The following LCT variants were observed in gnomAD, a reference collection of about 807,000 sequenced individuals.
The protein encoded by LCT is lactase.
A neutral mutation model predicts 173.0 loss-of-function variants in LCT; 90 were observed. That is an observed-to-expected ratio of 0.52 (90% CI 0.44 to 0.62). The LOEUF is 0.62. LCT is among the 20% of genes least tolerant of loss of function. LCT has a pLI of 0.00. For synonymous variants in LCT, 853 were observed against 957.6 expected, an observed-to-expected ratio of 0.89 and a Z score of 2.02; for missense variants, 1,864 against 2,431.4, an observed-to-expected ratio of 0.77 and a Z score of 4.91.
At position 135,806,953 on chromosome 2, in the gene LCT, TG is replaced by T. The variant is rs548265715; in HGVS notation, c.4173+174del. Among the ~76,000 whole-genome samples, 390 of 152,268 alleles carry T rather than the reference TG, an allele frequency of 2.6e-3. 1 individual carries two copies. The highest frequency in any genetic ancestry group is 8.6e-3 in the African/African-American group (357 of 41,566). ...CTCACCATGCTGGTCTGGGTAAATTTGGGGGTGTGAAGAAGCCAGGCTGTCT... is the reference window on the plus strand; with the variant it reads ...CTCACCATGCTGGTCTGGGTAAATTTGGGGTGTGAAGAAGCCAGGCTGTCT... On this transcript the variant is annotated intron_variant, in intron 9 of 16. Transcript: ENST00000264162.
chr2:135,798,207 G>A (rs766813993), intron 12 of LCT, 69 bp from the exon 13 acceptor site: 42 of 843,890 alleles, frequency 5.0e-5, no homozygotes, highest in East Asian at 9.6e-5. Flanking sequence ...CATCGTCCCC[G>A]CTCAGAAGTG....
intron 5 of LCT, among the ~76,000 whole-genome samples, chr2:135,821,328 C>T (rs1367868641): frequency 6.6e-6 from 1 of 152,200 alleles, no homozygotes; most frequent in African/African-American, 2.4e-5. Flanking sequence ...CAACAGCTGG[C>T]TTTCCTGTCT....
intron 5 of LCT, among the ~76,000 whole-genome samples, chr2:135,818,641 C>A (rs2077801732): frequency 6.6e-6 from 1 of 152,150 alleles, no homozygotes; most frequent in Admixed American, 6.6e-5. Flanking sequence ...AGTTCGAGAC[C>A]AGACTGACCA....
At chr2:135,830,213 A>G (rs2077924362) in intron 2 of LCT, among the ~76,000 whole-genome samples, 1 of 152,142 alleles carries the variant, frequency 6.6e-6, no homozygotes, top group African/African-American at 2.4e-5. Flanking sequence ...GGGCCTGTGG[A>G]GTACGCACTG....
intron 16 of LCT, 48 bp from the exon 17 acceptor site, chr2:135,788,592 G>A: frequency 8.3e-7 from 1 of 1,210,744 alleles, no homozygotes; most frequent in South Asian, 1.2e-5. Context: ...GCTGATTTGA[G>A]TTCTCAGATC....
chr2:135,809,623 C>T lies in LCT; in HGVS notation c.2724G>A (p.Leu908=), dbSNP rs777896378. The change falls in exon 8 of 17, where the codon CTG becomes CTA. Residue 908 remains leucine, a synonymous_variant. Coordinates refer to ENST00000264162, the MANE Select transcript of LCT (RefSeq NM_002299.4). The surrounding 1 kb of genome is among the most constrained non-coding windows in gnomAD (Gnocchi z 5.5). ...GATAAGCGGAAGAGGACACGCCCCA[C>T]AGAAAGTCATCCCGAAACGTCCCGT... ...FYHGTFRDDF[L]WGVSSSAYQI... 4 of 1,614,240 alleles carry T rather than the reference C, an allele frequency of 2.5e-6. No homozygotes were observed. The highest frequency in any genetic ancestry group is 2.2e-5 in the South Asian group (2 of 91,090).
rs1211446152 is a variant in LCT at position 135,837,136 on chromosome 2, G to A, written c.34C>T (p.Leu12=). 4 of 1,613,658 alleles carry A rather than the reference G, an allele frequency of 2.5e-6. No individual in the cohort carries two copies. The highest frequency in any genetic ancestry group is 2.5e-6 in the Non-Finnish European group (3 of 1,179,984). ...ELSWHVVFIA[L]LSFSCWGSDW... is the part of the protein sequence containing the mutation. The stretch of plus-strand genomic sequence containing the variant: ...GACCCCCAGCATGAAAAACTTAGCA[G>A]GGCAATAAAGACTACATGCCAAGAC... Residue 12 remains leucine (L), a synonymous_variant, in exon 1 of 17, where the codon CTG becomes TTG. Transcript: ENST00000264162.
At chr2:135,794,279 G>T in intron 14 of LCT, 3 of 202,078 alleles carry the variant, frequency 1.5e-5, no homozygotes, top group South Asian at 9.8e-5. Context: ...ATATTAAAGC[G>T]AATTTTGATA....
Position 135,818,066 on chromosome 2 carries a change from A to G in LCT, c.987-5T>C. ...CCAGTCAGAGAACAAGACATGCTGC[A>G]GGATTGAAGGGACAAAAAGGGACAT... On this transcript the variant is annotated splice_polypyrimidine_tract_variant and splice_region_variant and intron_variant, in intron 5 of 16. Transcript: ENST00000264162. 1 of 1,613,224 alleles carries G rather than the reference A, an allele frequency of 6.2e-7. No homozygotes were observed. Among genetic ancestry groups the G allele is most frequent in the South Asian group, 1.1e-5 (1 of 91,082 alleles).
At chr2:135,788,689 A>G in intron 16 of LCT, 145 bp from the exon 17 acceptor site, 1 of 700,902 alleles carries the variant, frequency 1.4e-6, no homozygotes, top group African/African-American at 1.7e-5. Context: ...ATCCCCTTTC[A>G]CTGTGTGTCA....
rs142757602 is a variant in LCT at position 135,789,629 on chromosome 2, G to A, written c.5505C>T (p.Val1835=). ...KASAKFYASV[V]RCNGFPDPAT... ...CGGGGTCAGGGAAGCCATTGCATCGGACCACAGAGGCGTAGAACTTCGCTG... is the reference window on the plus strand; with the variant it reads ...CGGGGTCAGGGAAGCCATTGCATCGAACCACAGAGGCGTAGAACTTCGCTG... Residue 1835 remains valine, a synonymous_variant, in exon 16 of 17, where the codon GTC becomes GTT. Transcript: ENST00000264162. 39 of 1,614,132 alleles carry A rather than the reference G, an allele frequency of 2.4e-5. No homozygotes were observed. The Admixed American group carries it at 4.5e-4, about 19-fold the overall frequency.
At chr2:135,821,633 A>G (rs1313969728) in intron 5 of LCT, 2 of 278,782 alleles carry the variant, frequency 7.2e-6, no homozygotes, top group Non-Finnish European at 1.4e-5. Context: ...GGCATGCACC[A>G]CTATGCCTGG....
chr2:135,822,151 C>A, intron 4 of LCT, 53 bp from the exon 5 acceptor site: 1 of 1,063,140 alleles, frequency 9.4e-7, no homozygotes, highest in South Asian at 1.2e-5. Context: ...TAAGAACATG[C>A]AAGTCTGAAA....
chr2:135,830,461 C>T (rs73957037), intron 2 of LCT, among the ~76,000 whole-genome samples: 2 of 151,890 alleles, frequency 1.3e-5, no homozygotes, highest in South Asian at 2.1e-4. Context: ...CCTGTCTTAT[C>T]CCTCCCACTG....
intron 7 of LCT, among the ~76,000 whole-genome samples, chr2:135,810,753 G>A (rs1030002834): frequency 6.0e-5 from 9 of 149,522 alleles, no homozygotes; most frequent in Non-Finnish European, 1.3e-4. Flanking sequence ...GTGGCCAGGC[G>A]TGGTGGCTCA....
At chr2:135,832,248 T>C (rs990483961) in intron 2 of LCT, among the ~76,000 whole-genome samples, 5 of 149,800 alleles carry the variant, frequency 3.3e-5, no homozygotes, top group African/African-American at 1.2e-4. Flanking sequence ...ATATAAATTA[T>C]AGTTAAAAAG....
Position 135,812,750 on chromosome 2 carries a change from A to T in LCT, c.1914T>A (p.Asp638Glu). 1 of 1,614,182 alleles carries T rather than the reference A, an allele frequency of 6.2e-7. No homozygotes were observed. Among genetic ancestry groups the T allele is most frequent in the Non-Finnish European group, 8.5e-7 (1 of 1,180,028 alleles). ...LGWFAHPVFVDGDYPATLRTQ... is the reference protein window; with the variant it reads ...LGWFAHPVFVEGDYPATLRTQ... ...TCCTCAGGGTGGCTGGGTAGTCTCC[A>T]TCCACAAAGACGGGGTGTGCAAACC... Residue 638 changes from aspartate (D) to glutamate (E), a missense_variant, in exon 7 of 17, where the codon GAT becomes GAA. Asp to Glu is a conservative substitution (Grantham distance 45, BLOSUM62 2). Coordinates refer to ENST00000264162, the MANE Select transcript of LCT (RefSeq NM_002299.4).
Position 135,808,636 on chromosome 2 carries a change from G to GTCC in LCT, c.3708_3710dup (p.Glu1236dup), listed in dbSNP as rs1158744526. 1 of 1,614,074 alleles carries GTCC rather than the reference G, an allele frequency of 6.2e-7. No individual in the cohort carries two copies. Among genetic ancestry groups the GTCC allele is most frequent in the African/African-American group, 1.3e-5 (1 of 74,932 alleles). On this transcript the variant is annotated inframe_insertion, in exon 8 of 17. Transcript: ENST00000264162. ...TCATTGCCGTGGAAGGCCACGAAGG[G>GTCC]TCCTCCTCCTCAGCCATCTCCTGGT...
At chr2:135,828,882 A>G (rs2077908800) in intron 3 of LCT, among the ~76,000 whole-genome samples, 1 of 152,102 alleles carries the variant, frequency 6.6e-6, no homozygotes, top group African/African-American at 2.4e-5. Flanking sequence ...AAAATGTGGT[A>G]AAATAGACAT....
Sources: gnomAD v4.1 joint callset for allele counts (sites outside exome capture counted in the v4.1 genomes callset) on GRCh38, gnomAD v4.1.1 for gene constraint, Gnocchi (gnomAD v3.1) non-coding constraint, MANE v1.5 for transcripts, NCBI Gene and HGNC (gene_info 2026-07-23, HGNC 2026-07-21) for gene names.